The following ARHGAP18 variants were observed in gnomAD, a reference collection of about 807,000 sequenced individuals.
ARHGAP18 encodes the protein Rho GTPase activating protein 18.
A neutral mutation model predicts 86.2 loss-of-function variants in ARHGAP18; 67 were observed. The observed-to-expected ratio is 0.78, with a 90% CI of 0.64 to 0.95. The LOEUF (loss-of-function observed/expected upper bound fraction) is 0.95, where lower values mean the gene tolerates loss of function less well. Ranked by LOEUF, ARHGAP18 falls within the 40% of genes least tolerant of loss-of-function variation. The pLI is 0.00. For synonymous variants in ARHGAP18, 283 were observed against 280.4 expected (o/e 1.01, Z -0.09); for missense variants, 691 against 780.4 (o/e 0.89, Z 1.37).
At chr6:129,582,180 C>A (rs1309513033) in intron 13 of ARHGAP18, among the ~76,000 whole-genome samples, 1 of 151,512 alleles carries the variant, frequency 6.6e-6, no homozygotes, top group Non-Finnish European at 1.5e-5. Context: ...CTGGGGGTAG[C>A]AAATGCTTAT....
intron 8 of ARHGAP18, among the ~76,000 whole-genome samples, chr6:129,608,320 G>C (rs1264593215): frequency 6.6e-6 from 1 of 151,956 alleles, no homozygotes; most frequent in Non-Finnish European, 1.5e-5. Context: ...TCCACAAACT[G>C]TAAGTAATAA....
At chr6:129,646,756 C>T (rs1267091314) in intron 1 of ARHGAP18, among the ~76,000 whole-genome samples, 1 of 152,136 alleles carries the variant, frequency 6.6e-6, no homozygotes, top group African/African-American at 2.4e-5. Flanking sequence ...CAGTTCATGT[C>T]GTCTCTGGGA....
intron 1 of ARHGAP18, among the ~76,000 whole-genome samples, chr6:129,648,596 C>T (rs573770779): frequency 5.5e-4 from 82 of 148,956 alleles, no homozygotes; most frequent in African/African-American, 1.9e-3. Flanking sequence ...ACTAATAAGA[C>T]ACACATCTCT....
chr6:129,633,857 A>G (rs1002498056), intron 4 of ARHGAP18, among the ~76,000 whole-genome samples, 185 bp downstream of exon 4: 1 of 152,248 alleles, frequency 6.6e-6, no homozygotes, highest in Non-Finnish European at 1.5e-5. Flanking sequence ...ATAGGAATAC[A>G]CATTAAAAGA....
intron 1 of ARHGAP18, among the ~76,000 whole-genome samples, chr6:129,707,699 C>CT (rs1170442012): frequency 1.2e-3 from 164 of 135,570 alleles, no homozygotes; most frequent in African/African-American, 3.5e-3. Flanking sequence ...GGGCGGGGGT[C>CT]TTTTTTTTGC....
intron 12 of ARHGAP18, among the ~76,000 whole-genome samples, chr6:129,593,585 A>G (rs1283597409): frequency 2.0e-5 from 3 of 152,222 alleles, no homozygotes; most frequent in Non-Finnish European, 4.4e-5. Flanking sequence ...CCACAGAGGT[A>G]AAATGACTTG....
At chr6:129,604,773 C>T (rs1562685967) in intron 10 of ARHGAP18, among the ~76,000 whole-genome samples, 1 of 152,114 alleles carries the variant, frequency 6.6e-6, no homozygotes, top group Non-Finnish European at 1.5e-5. Flanking sequence ...AAGCAAAAGG[C>T]TTTTTTTCTG....
intron 8 of ARHGAP18, among the ~76,000 whole-genome samples, chr6:129,609,565 G>A (rs1348716142): frequency 6.6e-6 from 1 of 152,122 alleles, no homozygotes; most frequent in Non-Finnish European, 1.5e-5. Context: ...GTAATATGAA[G>A]TTATGTTTGT....
intron 10 of ARHGAP18, among the ~76,000 whole-genome samples, chr6:129,604,207 C>T (rs1169892227): frequency 6.7e-6 from 1 of 149,832 alleles, no homozygotes; most frequent in Admixed American, 6.6e-5. Context: ...AGTACTCCCC[C>T]CCCCCTTAAT....
intron 2 of ARHGAP18, among the ~76,000 whole-genome samples, chr6:129,640,787 AT>A (rs1773441350): frequency 6.6e-6 from 1 of 152,198 alleles, no homozygotes; most frequent in African/African-American, 2.4e-5. Context: ...GGGCTCTCAC[AT>A]TTTGGCATTT....
chr6:129,677,712 T>A lies in ARHGAP18; in HGVS notation c.113+32312A>T, dbSNP rs148814163. On this transcript the variant is annotated intron_variant, in intron 1 of 14. Coordinates refer to ENST00000368149, the MANE Select transcript of ARHGAP18 (RefSeq NM_033515.3). ...ATGGCTACACTATTTCTCAGAATTC[T>A]GTTATCATTAAGGTACCTTGAAAAG... Among the ~76,000 whole-genome samples, 8 of 152,342 alleles carry A rather than the reference T, an allele frequency of 5.3e-5. No homozygotes were observed. In the East Asian group the frequency reaches 1.5e-3, roughly 29 times the overall value.
At chr6:129,632,020 A>G (rs758890128) in intron 4 of ARHGAP18, among the ~76,000 whole-genome samples, 3 of 152,228 alleles carry the variant, frequency 2.0e-5, no homozygotes, top group Non-Finnish European at 4.4e-5. Flanking sequence ...CATTGGCGGA[A>G]CATGTTTAAA....
At chr6:129,591,683 C>T (rs1205906764) in intron 12 of ARHGAP18, among the ~76,000 whole-genome samples, 1 of 152,036 alleles carries the variant, frequency 6.6e-6, no homozygotes, top group Non-Finnish European at 1.5e-5. Context: ...TAATGTCAGA[C>T]CGGTAAAAGA....
intron 5 of ARHGAP18, among the ~76,000 whole-genome samples, chr6:129,620,342 T>G (rs1403601418): frequency 6.6e-6 from 1 of 152,210 alleles, no homozygotes. Context: ...TTGGAACATT[T>G]AGGATTTTGG....
At chr6:129,580,206 G>A in intron 13 of ARHGAP18, 75 bp from the exon 14 acceptor site, 1 of 1,297,714 alleles carries the variant, frequency 7.7e-7, no homozygotes, top group South Asian at 1.2e-5. Flanking sequence ...CGTGCTTGGG[G>A]AATTCTGGCT....
At chr6:129,628,156 C>G (rs994711365) in intron 5 of ARHGAP18, among the ~76,000 whole-genome samples, 1 of 152,108 alleles carries the variant, frequency 6.6e-6, no homozygotes, top group Non-Finnish European at 1.5e-5. Context: ...GCAATGAGAA[C>G]ATTCACTACA....
At chr6:129,652,882 G>A (rs2114510931) in intron 1 of ARHGAP18, among the ~76,000 whole-genome samples, 1 of 152,224 alleles carries the variant, frequency 6.6e-6, no homozygotes, top group Middle Eastern at 3.4e-3. Context: ...GAAATTTAAT[G>A]TTAGAATAGT....
intron 7 of ARHGAP18, among the ~76,000 whole-genome samples, chr6:129,613,460 T>C (rs555604247): frequency 6.6e-5 from 10 of 152,298 alleles, no homozygotes; most frequent in African/African-American, 2.4e-4. Context: ...ATGTTTCTAG[T>C]CCTATTAACA....
At chr6:129,688,637 A>T (rs1774473883) in intron 1 of ARHGAP18, among the ~76,000 whole-genome samples, 1 of 152,188 alleles carries the variant, frequency 6.6e-6, no homozygotes, top group Non-Finnish European at 1.5e-5. Flanking sequence ...TACTAAAAGT[A>T]CAAAATTAGC....
Sources: gnomAD v4.1 joint callset for allele counts (sites outside exome capture counted in the v4.1 genomes callset) on GRCh38, gnomAD v4.1.1 for gene constraint, MANE v1.5 for transcripts, NCBI Gene and HGNC (gene_info 2026-07-23, HGNC 2026-07-21) for gene names.